The following TGFBR1 variants were observed in gnomAD, a reference collection of about 807,000 sequenced individuals.
TGFBR1 encodes transforming growth factor beta receptor 1, also known as TGF-beta receptor type-1.
In TGFBR1, 20 loss-of-function variants were observed where a neutral mutation model predicts 55.1. That is an observed-to-expected ratio of 0.36 (90% CI 0.26 to 0.53). TGFBR1 has a LOEUF of 0.53. Ranked by LOEUF, TGFBR1 falls within the 20% of genes least tolerant of loss-of-function variation. TGFBR1 has a pLI of 0.91. For missense variants in TGFBR1, 385 were observed against 617.6 expected (o/e 0.62, Z 3.99); for synonymous variants, 220 against 214.8 (o/e 1.02, Z -0.21).
intron 1 of TGFBR1, among the ~76,000 whole-genome samples, chr9:99,118,208 A>T (rs536076955): frequency 1.3e-5 from 2 of 152,106 alleles, no homozygotes; most frequent in Non-Finnish European, 2.9e-5. Context: ...AGATTGACTA[A>T]TTGATTCTAA....
chr9:99,129,348 A>T (rs567528493), intron 2 of TGFBR1, among the ~76,000 whole-genome samples: 1 of 152,352 alleles, frequency 6.6e-6, no homozygotes, highest in South Asian at 2.1e-4. Flanking sequence ...AAGGATAGAT[A>T]AAAGCAAACT....
chr9:99,105,425 C>G, intron 1 of TGFBR1, 123 bp downstream of exon 1: 1 of 850,856 alleles, frequency 1.2e-6, no homozygotes, highest in Non-Finnish European at 1.4e-6. Flanking sequence ...GCGCCGGGGC[C>G]CGGGCCGGGC....
chr9:99,146,023 G>C (rs959668438), intron 6 of TGFBR1: 1 of 239,624 alleles, frequency 4.2e-6, no homozygotes, highest in Non-Finnish European at 8.2e-6. Context: ...GTAGGTCTCT[G>C]TGGGTCCTGA....
chr9:99,149,061 T>C (rs1827892025), intron 8 of TGFBR1, 119 bp from the exon 9 acceptor site: 1 of 1,066,128 alleles, frequency 9.4e-7, no homozygotes, highest in East Asian at 2.7e-5. Flanking sequence ...TTACAAATAA[T>C]GCTTAAACAA....
chr9:99,132,779 T>G (rs1399155518), intron 3 of TGFBR1, 40 bp downstream of exon 3: 40 of 1,612,510 alleles, frequency 2.5e-5, no homozygotes, highest in Non-Finnish European at 3.3e-5. Flanking sequence ...GACATCTTTT[T>G]AAAATTAAGC....
chr9:99,127,924 A>G (rs1488092808), intron 1 of TGFBR1: 1 of 455,894 alleles, frequency 2.2e-6, no homozygotes, highest in Non-Finnish European at 4.4e-6. Context: ...GCAGATTGAC[A>G]GAAATGACTA....
At chr9:99,142,792 C>T (rs1827660658) in intron 5 of TGFBR1, 89 bp downstream of exon 5, 19 of 1,459,742 alleles carry the variant, frequency 1.3e-5, no homozygotes, top group Non-Finnish European at 1.7e-5. Flanking sequence ...GGCCTGGTGG[C>T]TCATGCCTAT....
At chr9:99,115,466 C>G (rs1826708091) in intron 1 of TGFBR1, among the ~76,000 whole-genome samples, 1 of 152,170 alleles carries the variant, frequency 6.6e-6, no homozygotes, top group Non-Finnish European at 1.5e-5. Flanking sequence ...AAACGAATGG[C>G]TTTTTCTGCG....
At chr9:99,126,105 T>G (rs569431582) in intron 1 of TGFBR1, among the ~76,000 whole-genome samples, 1 of 152,238 alleles carries the variant, frequency 6.6e-6, no homozygotes, top group South Asian at 2.1e-4. Context: ...AATAGGGTCT[T>G]AAAGGATGAG....
chr9:99,149,140 T>C (rs1189932399), intron 8 of TGFBR1, 40 bp from the exon 9 acceptor site: 1 of 1,550,990 alleles, frequency 6.4e-7, no homozygotes, highest in South Asian at 1.2e-5. Flanking sequence ...CAATGGAAAA[T>C]GGTGCATGCA....
chr9:99,139,044 C>G (rs951599720), intron 4 of TGFBR1, among the ~76,000 whole-genome samples: 1 of 152,108 alleles, frequency 6.6e-6, no homozygotes, highest in African/African-American at 2.4e-5. Flanking sequence ...GATCCACCCA[C>G]CTCACCCTCC....
At chr9:99,138,318 A>G (rs1039878869) in intron 4 of TGFBR1, among the ~76,000 whole-genome samples, 2 of 152,234 alleles carry the variant, frequency 1.3e-5, no homozygotes, top group African/African-American at 2.4e-5. Flanking sequence ...TTTATAAAAT[A>G]TAAAAGAGCT....
rs1828029044 is a variant in TGFBR1, at chr9:99,153,481, G to GA, written c.*4183dup. 3.4e-5 allele frequency: 7 copies of GA among 203,504 alleles called. No individual in the cohort carries two copies. In the East Asian group the frequency reaches 4.5e-4, roughly 13 times the overall value. 12.6% of individuals were successfully genotyped at this position (203,504 alleles called of 1,614,324 possible). ...GATACTGAGAAGCCTGTAAAGAGGA[G>GA]AAAAAAACATAAGCTGTGTTTCCCC... On this transcript the variant is annotated 3_prime_UTR_variant, in exon 9 of 9. Coordinates refer to ENST00000374994, the MANE Select transcript of TGFBR1 (RefSeq NM_004612.4).
intron 1 of TGFBR1, among the ~76,000 whole-genome samples, chr9:99,121,419 A>G (rs899649150): frequency 1.3e-5 from 2 of 152,122 alleles, no homozygotes; most frequent in South Asian, 2.1e-4. Context: ...AGGAGAATCT[A>G]TATAGTATGC....
chr9:99,110,266 C>T (rs1045300751), intron 1 of TGFBR1, among the ~76,000 whole-genome samples: 1 of 152,134 alleles, frequency 6.6e-6, no homozygotes, highest in African/African-American at 2.4e-5. Flanking sequence ...AAAGTATACA[C>T]ACAGGTTGCT....
intron 1 of TGFBR1, among the ~76,000 whole-genome samples, chr9:99,122,305 TG>T (rs1162745034): frequency 2.0e-5 from 3 of 151,968 alleles, no homozygotes; most frequent in African/African-American, 7.2e-5. Flanking sequence ...TTAACAAGGG[TG>T]ATAGAAATAT....
At chr9:99,140,224 G>T (rs1045374868) in intron 4 of TGFBR1, among the ~76,000 whole-genome samples, 1 of 152,208 alleles carries the variant, frequency 6.6e-6, no homozygotes, top group African/African-American at 2.4e-5. Flanking sequence ...GCCAAGGTGG[G>T]TGGATCACGA....
chr9:99,142,484 A>C, intron 4 of TGFBR1, 52 bp from the exon 5 acceptor site: 14 of 1,605,110 alleles, frequency 8.7e-6, no homozygotes, highest in Non-Finnish European at 1.2e-5. Flanking sequence ...CATTGAACAA[A>C]TAAATCATAA....
At chr9:99,141,429 G>A (rs1332514931) in intron 4 of TGFBR1, among the ~76,000 whole-genome samples, 1 of 152,146 alleles carries the variant, frequency 6.6e-6, no homozygotes, top group African/African-American at 2.4e-5. Flanking sequence ...GCTGTTTCAT[G>A]TCAATATGGA....
Sources: gnomAD v4.1 joint callset for allele counts (sites outside exome capture counted in the v4.1 genomes callset) on GRCh38, gnomAD v4.1.1 for gene constraint, MANE v1.5 for transcripts, NCBI Gene and HGNC (gene_info 2026-07-23, HGNC 2026-07-21) for gene names.